The following NPTN variants were observed in gnomAD, a reference collection of about 807,000 sequenced individuals.
The protein encoded by NPTN is neuroplastin.
NPTN carries 5 observed loss-of-function variants against 42.7 expected under a neutral mutation model. The ratio of observed to expected loss-of-function variants is 0.12; its 90% CI spans 0.06 to 0.25. NPTN has a LOEUF of 0.25. NPTN is among the 10% of genes least tolerant of loss of function. NPTN has a pLI of 1.00. For synonymous variants in NPTN, 180 were observed against 201.9 expected, an observed-to-expected ratio of 0.89 and a Z score of 0.92; for missense variants, 307 against 525.4, an observed-to-expected ratio of 0.58 and a Z score of 4.06.
chr15:73,596,573 G>C (rs1896844651), intron 2 of NPTN, among the ~76,000 whole-genome samples: 1 of 152,114 alleles, frequency 6.6e-6, no homozygotes, highest in Non-Finnish European at 1.5e-5. Flanking sequence ...AAATAGAAAG[G>C]CACCAGAGAA....
At position 73,594,534 on chromosome 15, in the gene NPTN, C is replaced by T. The variant is rs60112429; in HGVS notation, c.440-2397G>A. 5.1e-3 allele frequency among the ~76,000 whole-genome samples: 777 copies of T among 152,250 alleles called. 7 individuals carry two copies. The highest frequency in any genetic ancestry group is 0.018 in the African/African-American group (761 of 41,542). On this transcript the variant is annotated intron_variant, in intron 2 of 8. Transcript: ENST00000345330. ...TAGGGTAACCTGCCTCCTGTGATTG[C>T]TGTATATGAAAAACAGTGCTACACC... is the stretch of plus-strand genomic sequence containing the variant.
intron 4 of NPTN, among the ~76,000 whole-genome samples, chr15:73,576,555 C>G (rs1327454733): frequency 6.6e-6 from 1 of 152,216 alleles, no homozygotes; most frequent in Admixed American, 6.5e-5. Context: ...TCTCAAACTA[C>G]TGACCTGAAG....
Position 73,566,097 on chromosome 15 carries a change from C to T in NPTN, c.1115-2840G>A, listed in dbSNP as rs1424644973. Reference sequence around the variant, plus strand: ...AGAGAGACTGAGTTACTTCCTATTTCCTTCCTTGTTTGGTCCTATTGCATT... The same window carrying T: ...AGAGAGACTGAGTTACTTCCTATTTTCTTCCTTGTTTGGTCCTATTGCATT... On this transcript the variant is annotated intron_variant, in intron 6 of 8. Coordinates refer to ENST00000345330, the MANE Select transcript of NPTN (RefSeq NM_012428.4). Among the ~76,000 whole-genome samples the T allele has an allele frequency of 2.0e-5, 3 of 152,194 alleles. No individual in the cohort carries two copies. In the East Asian group the frequency reaches 5.8e-4, roughly 29 times the overall value.
At chr15:73,598,258 C>T (rs1219103893) in intron 1 of NPTN, among the ~76,000 whole-genome samples, 2 of 152,218 alleles carry the variant, frequency 1.3e-5, no homozygotes, top group East Asian at 1.9e-4. Context: ...ATTTGACAGG[C>T]TCCATACAGT....
chr15:73,590,825 T>G (rs1453759912), intron 3 of NPTN, among the ~76,000 whole-genome samples: 1 of 151,868 alleles, frequency 6.6e-6, no homozygotes, highest in Admixed American at 6.6e-5. Flanking sequence ...AAGAAAAAAA[T>G]GCTTTTCATT....
chr15:73,628,489 T>C (rs1898548454), intron 1 of NPTN, among the ~76,000 whole-genome samples: 1 of 152,246 alleles, frequency 6.6e-6, no homozygotes, highest in Non-Finnish European at 1.5e-5. Flanking sequence ...ATTCAAACTT[T>C]TGTTGAACAT....
At chr15:73,604,109 G>C (rs1897185897) in intron 1 of NPTN, among the ~76,000 whole-genome samples, 1 of 151,670 alleles carries the variant, frequency 6.6e-6, no homozygotes, top group Non-Finnish European at 1.5e-5. Flanking sequence ...AAACAAGCAT[G>C]ATCTACCTAG....
At position 73,561,854 on chromosome 15, in the gene NPTN, T is replaced by C. The variant is rs375541627; in HGVS notation, c.*14+42A>G. ...ACAAGGTCAATAGAGGCACATTCAT[T>C]TGAATATAATTTTTAAGACTGCTAC... On this transcript the variant is annotated intron_variant, in intron 8 of 8. Transcript: ENST00000345330. 4 of 1,376,822 alleles carry C rather than the reference T, an allele frequency of 2.9e-6. No individual in the cohort carries two copies. In the African/African-American group the frequency reaches 4.3e-5, roughly 15 times the overall value. The allele number at this position is 1,376,822 out of a possible 1,614,324, so 85.3% of individuals were successfully genotyped here. A position where few individuals can be genotyped will look rare whatever the true frequency, so the allele number is the denominator to read the frequency against.
At chr15:73,567,550 C>T (rs951963446) in intron 6 of NPTN, 2 of 985,226 alleles carry the variant, frequency 2.0e-6, no homozygotes, top group African/African-American at 1.7e-5. Flanking sequence ...CTATGGAGTG[C>T]ACAGGGGTTG....
intron 4 of NPTN, among the ~76,000 whole-genome samples, chr15:73,576,916 T>C (rs925325702): frequency 1.3e-5 from 2 of 152,232 alleles, no homozygotes; most frequent in East Asian, 3.8e-4. Context: ...GATTTGTTTT[T>C]AATAAAAATG....
chr15:73,584,249 T>C (rs1388527869), intron 4 of NPTN, among the ~76,000 whole-genome samples: 1 of 152,142 alleles, frequency 6.6e-6, no homozygotes, highest in Non-Finnish European at 1.5e-5. Flanking sequence ...AAAACAGCAA[T>C]AAAATTCAAA....
At position 73,561,983 on chromosome 15, in the gene NPTN, A is replaced by G. The variant is rs1894698910; in HGVS notation, c.1137-13T>C. 1.9e-6 allele frequency: 3 copies of G among 1,591,136 alleles called. No homozygotes were observed. Among genetic ancestry groups the G allele is most frequent in the Non-Finnish European group, 2.6e-6 (3 of 1,170,732 alleles). On this transcript the variant is annotated splice_polypyrimidine_tract_variant and intron_variant, in intron 7 of 8. Coordinates refer to ENST00000345330, the MANE Select transcript of NPTN (RefSeq NM_012428.4). The stretch of plus-strand genomic sequence containing the variant: ...AGAGTTGGTTTTCCTTTGGAGGAAA[A>G]ATTGCATTACATGAGTTAAACTCAG...
At position 73,577,831 on chromosome 15, in the gene NPTN, G is replaced by A. The variant is rs115413332; in HGVS notation, c.707-4036C>T. On this transcript the variant is annotated intron_variant, in intron 4 of 8. Coordinates refer to ENST00000345330, the MANE Select transcript of NPTN (RefSeq NM_012428.4). ...CACAAGAAGTCAGCTCTGACTCCCT[G>A]TGATTTCAGCTCTAACCAATCAGCA... Among the ~76,000 whole-genome samples the A allele has an allele frequency of 5.9e-3, 891 of 152,180 alleles. 6 individuals carry two copies. The highest frequency in any genetic ancestry group is 0.02 in the African/African-American group (849 of 41,506).
chr15:73,594,996 G>A (rs1158206897), intron 2 of NPTN, among the ~76,000 whole-genome samples: 2 of 151,780 alleles, frequency 1.3e-5, no homozygotes, highest in African/African-American at 2.4e-5. Context: ...CAACCTCCTG[G>A]CTCTCCAAAA....
At chr15:73,578,754 G>A (rs1329767160) in intron 4 of NPTN, among the ~76,000 whole-genome samples, 1 of 152,152 alleles carries the variant, frequency 6.6e-6, no homozygotes, top group African/African-American at 2.4e-5. Context: ...AGCACTTTGG[G>A]AGGCCGAGGT....
chr15:73,613,219 C>T (rs1897678308), intron 1 of NPTN, among the ~76,000 whole-genome samples: 2 of 152,166 alleles, frequency 1.3e-5, no homozygotes, highest in African/African-American at 4.8e-5. Context: ...CCAAGAATCC[C>T]TTTGATTGTT....
intron 4 of NPTN, among the ~76,000 whole-genome samples, chr15:73,583,109 A>AG (rs1896136187): frequency 6.6e-6 from 1 of 152,240 alleles, no homozygotes; most frequent in Admixed American, 6.5e-5. Flanking sequence ...TAGACCGTCA[A>AG]GAGCCACACA....
Position 73,633,226 on chromosome 15 carries a change from A to G in NPTN, c.-11T>C, listed in dbSNP as rs202222775. 564 of 1,516,726 alleles carry G rather than the reference A, an allele frequency of 3.7e-4. No individual in the cohort carries two copies. The Middle Eastern group carries it at 3.8e-3, about 10-fold the overall frequency. 94.0% of individuals were successfully genotyped at this position (1,516,726 alleles called of 1,614,324 possible). ...CGACGAACCCGACATCCTCCCTAGC[A>G]GAAGACCCAACAGCGAATGGGCCGG... On this transcript the variant is annotated 5_prime_UTR_variant, in exon 1 of 9. Coordinates refer to ENST00000345330, the MANE Select transcript of NPTN (RefSeq NM_012428.4).
intron 1 of NPTN, among the ~76,000 whole-genome samples, chr15:73,607,024 T>C (rs761435876): frequency 1.9e-4 from 29 of 152,122 alleles, no homozygotes; most frequent in Non-Finnish European, 3.2e-4. Context: ...AATGTTTAGG[T>C]TGGCTTAGCC....
Sources: gnomAD v4.1 joint callset for allele counts (sites outside exome capture counted in the v4.1 genomes callset) on GRCh38, gnomAD v4.1.1 for gene constraint, MANE v1.5 for transcripts, NCBI Gene and HGNC (gene_info 2026-07-23, HGNC 2026-07-21) for gene names.